TACC2: variants seen among roughly 807,000 people sequenced by gnomAD.
TACC2 encodes the protein transforming acidic coiled-coil containing protein 2.
In TACC2, 137 loss-of-function variants were observed where a neutral mutation model predicts 227.3. That is an observed-to-expected ratio of 0.60 (90% CI 0.52 to 0.69). The LOEUF is 0.69. Among genes scored for constraint, TACC2 ranks in the 30% least tolerant of loss-of-function variants. TACC2 has a pLI of 0.00. For synonymous variants in TACC2, 1,523 were observed against 1,487.5 expected, an observed-to-expected ratio of 1.02 and a Z score of -0.55; for missense variants, 3,470 against 3,694.4, an observed-to-expected ratio of 0.94 and a Z score of 1.57.
intron 7 of TACC2, among the ~76,000 whole-genome samples, chr10:122,158,751 C>G (rs578121464): frequency 2.0e-5 from 3 of 152,202 alleles, no homozygotes; most frequent in Non-Finnish European, 4.4e-5. Flanking sequence ...CACTTAGACT[C>G]CCAGAGGTGA....
rs1157568359 is a variant in TACC2 at position 122,086,921 on chromosome 10, A to G, written c.4421A>G (p.Lys1474Arg). 6.2e-7 allele frequency: 1 copy of G among 1,613,984 alleles called. No individual in the cohort carries two copies. The highest frequency in any genetic ancestry group is 8.5e-7 in the Non-Finnish European group (1 of 1,180,042). The change falls in exon 4 of 23, where the codon AAG (lysine) becomes AGG (arginine). Residue 1474 changes from lysine (K) to arginine (R), a missense_variant. Transcript: ENST00000369005. ...PAPPARLQVE[K>R]KQQLAGEAEI... is the part of the protein sequence containing the mutation. The stretch of plus-strand genomic sequence containing the variant: ...CCTCCTGCTCGACTCCAGGTGGAGA[A>G]GAAGCAACAGTTGGCTGGAGAGGCT...
At chr10:122,244,654 T>C (rs566155750) in intron 19 of TACC2, among the ~76,000 whole-genome samples, 10 of 152,210 alleles carry the variant, frequency 6.6e-5, no homozygotes, top group Admixed American at 4.6e-4. Flanking sequence ...TGCTTTTCTT[T>C]CCATTTTCAC....
At chr10:122,152,999 C>CTTTTTTTTCTTTTT in intron 7 of TACC2, among the ~76,000 whole-genome samples, 1 of 135,036 alleles carries the variant, frequency 7.4e-6, no homozygotes, top group East Asian at 2.3e-4. Flanking sequence ...TTCTTTCTTT[C>CTTTTTTTTCTTTTT]TTTTTTTTTT....
chr10:122,216,097 G>A (rs750595666), intron 10 of TACC2, among the ~76,000 whole-genome samples: 21 of 152,200 alleles, frequency 1.4e-4, no homozygotes, highest in Admixed American at 6.5e-5. Flanking sequence ...CCAGAGTGGG[G>A]GCAGTGGAGG....
chr10:122,222,190 G>A (rs2095536093), intron 11 of TACC2, among the ~76,000 whole-genome samples: 1 of 152,192 alleles, frequency 6.6e-6, no homozygotes, highest in African/African-American at 2.4e-5. Context: ...GCTGAAATTG[G>A]ATGTGGTTTC....
At chr10:122,067,986 G>A (rs927195709) in intron 3 of TACC2, among the ~76,000 whole-genome samples, 1 of 152,182 alleles carries the variant, frequency 6.6e-6, no homozygotes, top group African/African-American at 2.4e-5. Flanking sequence ...ACAGCTCACT[G>A]ATGCTTTTTT....
chr10:122,069,695 C>A (rs545014290), intron 3 of TACC2, among the ~76,000 whole-genome samples: 10 of 152,254 alleles, frequency 6.6e-5, no homozygotes, highest in African/African-American at 2.4e-4. Context: ...GAAAAGCCAC[C>A]GTATCAAGTT....
intron 6 of TACC2, among the ~76,000 whole-genome samples, chr10:122,136,637 C>T (rs772345390): frequency 2.6e-5 from 4 of 151,678 alleles, no homozygotes; most frequent in South Asian, 2.1e-4. Context: ...ACTGCAAACT[C>T]GGCCCCCTGG....
Position 122,086,983 on chromosome 10 carries a change from G to A in TACC2, c.4483G>A (p.Asp1495Asn). ...TCTGGCTCTGCAAGATCCAGCTTCA[G>A]ACAAGCTTCTGGGTCCAGCAGGGCT... is the stretch of plus-strand genomic sequence containing the variant. ...SHLALQDPAS[D>N]KLLGPAGLTW... Residue 1495 changes from aspartate to asparagine, a missense_variant, in exon 4 of 23, where the codon GAC (aspartate) becomes AAC (asparagine). Physicochemically the swap from Asp to Asn is conservative, Grantham distance 23. Around this residue, in one of 10 missense-constraint regions of TACC2, gnomAD observed 1,924 missense variants for 1,978.3 expected, o/e 0.97. Transcript: ENST00000369005. 6.2e-7 allele frequency: 1 copy of A among 1,613,948 alleles called. No homozygotes were observed. Among genetic ancestry groups the A allele is most frequent in the South Asian group, 1.1e-5 (1 of 91,084 alleles).
intron 3 of TACC2, among the ~76,000 whole-genome samples, chr10:122,069,652 G>A (rs1843213065): frequency 6.6e-6 from 1 of 152,088 alleles, no homozygotes; most frequent in East Asian, 1.9e-4. Context: ...TTCCTCATAT[G>A]ACGTTTTCCA....
intron 2 of TACC2, among the ~76,000 whole-genome samples, chr10:122,043,557 T>G (rs1049470458): frequency 3.1e-3 from 61 of 19,914 alleles, no homozygotes; most frequent in Admixed American, 7.1e-3. Flanking sequence ...TCTCTCTGTC[T>G]CTCTCTCTCT....
intron 2 of TACC2, among the ~76,000 whole-genome samples, chr10:122,036,884 T>A (rs1960584186): frequency 1.3e-5 from 2 of 152,252 alleles, no homozygotes; most frequent in Non-Finnish European, 1.5e-5. Flanking sequence ...CTGCACCATT[T>A]TACATTTCCA....
chr10:122,136,190 C>T (rs1384097139), intron 6 of TACC2, among the ~76,000 whole-genome samples: 3 of 152,184 alleles, frequency 2.0e-5, no homozygotes, highest in Non-Finnish European at 2.9e-5. Context: ...TTCAGTGTCT[C>T]CTAATTCAGG....
intron 2 of TACC2, among the ~76,000 whole-genome samples, chr10:122,048,688 A>G (rs2075337319): frequency 1.3e-5 from 2 of 151,984 alleles, no homozygotes; most frequent in South Asian, 4.1e-4. Context: ...ACACAATGGC[A>G]TTGTCTGCTC....
chr10:122,032,507 G>C (rs1215271417), intron 2 of TACC2, among the ~76,000 whole-genome samples: 1 of 152,172 alleles, frequency 6.6e-6, no homozygotes, highest in African/African-American at 2.4e-5. Flanking sequence ...AGGAGCAGCT[G>C]TGTCACTAGG....
At chr10:122,215,560 C>T (rs1045326274) in intron 10 of TACC2, 109 bp downstream of exon 10, 1 of 912,674 alleles carries the variant, frequency 1.1e-6, no homozygotes, top group African/African-American at 1.6e-5. Context: ...TTTCCAAGAC[C>T]CTCTTCTTGC....
intron 5 of TACC2, among the ~76,000 whole-genome samples, chr10:122,121,406 A>C (rs536588643): frequency 1.3e-5 from 2 of 152,094 alleles, no homozygotes; most frequent in African/African-American, 4.8e-5. Flanking sequence ...CTCCGAGAGG[A>C]TCTTTTTCAA....
chr10:122,236,846 G>A (rs1366156620), intron 16 of TACC2, among the ~76,000 whole-genome samples: 6 of 152,200 alleles, frequency 3.9e-5, no homozygotes, highest in Non-Finnish European at 8.8e-5. Context: ...CCTAGCCAAA[G>A]GTGATATTGG....
At chr10:122,119,563 C>T (rs1475788003) in intron 5 of TACC2, among the ~76,000 whole-genome samples, 2 of 150,030 alleles carry the variant, frequency 1.3e-5, no homozygotes, top group African/African-American at 2.5e-5. Flanking sequence ...TACACTTTCA[C>T]TCACCTGACT....
Sources: allele counts gnomAD v4.1 joint callset (sites outside exome capture counted in the v4.1 genomes callset), GRCh38; gene constraint gnomAD v4.1.1; regional missense constraint gnomAD v4.1.1; transcripts MANE v1.5; gene names NCBI Gene and HGNC (gene_info 2026-07-23, HGNC 2026-07-21).